The following SMYD3 variants were observed in gnomAD, a reference collection of about 807,000 sequenced individuals.
SMYD3 encodes histone-lysine N-methyltransferase SMYD3.
A neutral mutation model predicts 57.7 loss-of-function variants in SMYD3; 36 were observed. That is an observed-to-expected ratio of 0.62 (90% CI 0.48 to 0.82). The LOEUF is 0.82. Ranked by LOEUF, SMYD3 falls within the 40% of genes least tolerant of loss-of-function variation. The probability of loss-of-function intolerance (pLI) is 0.00; values close to 1 mark genes in which losing one functional copy is unlikely to be tolerated. For missense variants in SMYD3, 515 were observed against 538.8 expected, an observed-to-expected ratio of 0.96 and a Z score of 0.44; for synonymous variants, 211 against 195.0, an observed-to-expected ratio of 1.08 and a Z score of -0.68.
chr1:246,370,092 C>T (rs562197318), intron 1 of SMYD3, among the ~76,000 whole-genome samples: 1 of 152,130 alleles, frequency 6.6e-6, no homozygotes, highest in Non-Finnish European at 1.5e-5. Context: ...TGTCTGCAAC[C>T]CTCTAAACTA....
chr1:246,384,619 A>G (rs902293325), intron 1 of SMYD3, among the ~76,000 whole-genome samples: 3 of 151,924 alleles, frequency 2.0e-5, no homozygotes, highest in African/African-American at 4.8e-5. Context: ...CTGTTGTCAA[A>G]CTCCTCACCT....
At chr1:246,456,234 T>C (rs2067697789) in intron 1 of SMYD3, among the ~76,000 whole-genome samples, 1 of 152,212 alleles carries the variant, frequency 6.6e-6, no homozygotes. Context: ...ATCTCTCTCT[T>C]GAGTTGCTCC....
chr1:245,817,907 A>C (rs2048941951), intron 10 of SMYD3, among the ~76,000 whole-genome samples: 1 of 152,218 alleles, frequency 6.6e-6, no homozygotes, highest in African/African-American at 2.4e-5. Context: ...TGAAAAGACC[A>C]AATCTACGTC....
At chr1:245,985,370 AG>A (rs1243663872) in intron 5 of SMYD3, among the ~76,000 whole-genome samples, 2 of 152,362 alleles carry the variant, frequency 1.3e-5, no homozygotes, top group Non-Finnish European at 1.5e-5. Context: ...TTTGTCCAAT[AG>A]GCATCTCAAA....
rs1367359378 is a variant in SMYD3, at chr1:246,203,721, A to G, written c.531+123480T>C. ...TGAAGTACCGGTGGTTAGAACATCA[A>G]CATATGAATTTGCGGGGACACAGTT... is the stretch of plus-strand genomic sequence containing the variant. On this transcript the variant is annotated intron_variant, in intron 5 of 11. Coordinates refer to ENST00000490107, the MANE Select transcript of SMYD3 (RefSeq NM_001167740.2). The surrounding 1 kb of genome is among the most constrained non-coding windows in gnomAD (Gnocchi z 4.6). Among the ~76,000 whole-genome samples the G allele has an allele frequency of 6.6e-6, 1 of 152,162 alleles. No individual in the cohort carries two copies. The highest frequency in any genetic ancestry group is 2.4e-5 in the African/African-American group (1 of 41,414).
At chr1:246,492,472 G>A (rs2068287091) in intron 1 of SMYD3, among the ~76,000 whole-genome samples, 1 of 152,140 alleles carries the variant, frequency 6.6e-6, no homozygotes, top group Non-Finnish European at 1.5e-5. Flanking sequence ...AAGTACTGGG[G>A]CAAAAAGGTA....
At chr1:245,907,756 G>A (rs1026579521) in intron 8 of SMYD3, among the ~76,000 whole-genome samples, 1 of 152,130 alleles carries the variant, frequency 6.6e-6, no homozygotes, top group African/African-American at 2.4e-5. Flanking sequence ...TAAAAGATTG[G>A]CTGGATAGGT....
At chr1:246,254,147 GGTTTA>G (rs1197777871) in intron 5 of SMYD3, among the ~76,000 whole-genome samples, 2 of 152,090 alleles carry the variant, frequency 1.3e-5, no homozygotes, top group Non-Finnish European at 2.9e-5. Context: ...GAAGTTCTTT[GGTTTA>G]ATTAGGTCCC....
At chr1:246,391,394 AAGAGAGAG>A (rs371972778) in intron 1 of SMYD3, among the ~76,000 whole-genome samples, 2 of 90,236 alleles carry the variant, frequency 2.2e-5, no homozygotes, top group African/African-American at 3.6e-5. Flanking sequence ...GAGAGAGAGA[AAGAGAGAG>A]AGAGAAAGAG....
chr1:245,763,946 A>G, intron 11 of SMYD3, 95 bp downstream of exon 11: 5 of 902,914 alleles, frequency 5.5e-6, no homozygotes, highest in South Asian at 1.4e-5. Context: ...ATGCGTGCAC[A>G]CATACATAGA....
chr1:245,913,269 A>G (rs2055138181), intron 8 of SMYD3, among the ~76,000 whole-genome samples: 1 of 151,848 alleles, frequency 6.6e-6, no homozygotes, highest in Admixed American at 6.6e-5. Flanking sequence ...AGGACAAAAA[A>G]CCAAACACCA....
rs561562838 is a variant in SMYD3, at chr1:246,093,745, A to G, written c.532-163808T>C. Among the ~76,000 whole-genome samples the G allele has an allele frequency of 5.3e-5, 8 of 152,342 alleles. No homozygotes were observed. In the East Asian group the frequency reaches 1.5e-3, roughly 29 times the overall value. On this transcript the variant is annotated intron_variant, in intron 5 of 11. Transcript: ENST00000490107. ...AACTTGATAACAAAACCTCAGAGTA[A>G]TAATTTTTCAGTTTATTTTTTTTTA...
chr1:246,058,847 C>G (rs12130360), intron 5 of SMYD3, among the ~76,000 whole-genome samples: 4,616 of 150,714 alleles, frequency 0.031, 95 homozygotes, highest in South Asian at 0.043. Context: ...TCATAGTTAA[C>G]AAAGGTGCCC....
chr1:246,153,002 G>T (rs1456096634), intron 5 of SMYD3, among the ~76,000 whole-genome samples: 1 of 152,142 alleles, frequency 6.6e-6, no homozygotes, highest in Non-Finnish European at 1.5e-5. Context: ...ATTCTGGGGA[G>T]TGTTTCCTCA....
At chr1:246,351,649 G>A (rs80191818) in intron 2 of SMYD3, among the ~76,000 whole-genome samples, 4,007 of 152,228 alleles carry the variant, frequency 0.026, 66 homozygotes, top group African/African-American at 0.035. Flanking sequence ...CGATGTGTAC[G>A]CTATATATGA....
chr1:246,323,941 T>C (rs1031065987), intron 5 of SMYD3, among the ~76,000 whole-genome samples: 6 of 152,042 alleles, frequency 3.9e-5, no homozygotes, highest in Non-Finnish European at 8.8e-5. Context: ...AAATGACAGA[T>C]ATAAAATGAG....
chr1:246,141,107 C>G (rs2061747903), intron 5 of SMYD3, among the ~76,000 whole-genome samples: 1 of 152,186 alleles, frequency 6.6e-6, no homozygotes, highest in Non-Finnish European at 1.5e-5. Context: ...AAGCTGGTGA[C>G]TCTGTCAGGA....
At chr1:245,804,113 A>G (rs1313651303) in intron 10 of SMYD3, among the ~76,000 whole-genome samples, 1 of 151,874 alleles carries the variant, frequency 6.6e-6, no homozygotes, top group East Asian at 1.9e-4. Context: ...GGGTTTCAAC[A>G]TATTGGCCAG....
intron 5 of SMYD3, among the ~76,000 whole-genome samples, chr1:245,982,117 T>C (rs1303549075): frequency 1.3e-5 from 2 of 152,220 alleles, no homozygotes; most frequent in Non-Finnish European, 2.9e-5. Flanking sequence ...GGAGTTTTAA[T>C]AGCACAGCTG....
Sources: gnomAD v4.1 joint callset for allele counts (sites outside exome capture counted in the v4.1 genomes callset) on GRCh38, gnomAD v4.1.1 for gene constraint, Gnocchi (gnomAD v3.1) non-coding constraint, MANE v1.5 for transcripts, NCBI Gene and HGNC (gene_info 2026-07-23, HGNC 2026-07-21) for gene names.